Variants in INPP5A observed in about 807,000 individuals in gnomAD.
The protein encoded by INPP5A is 43 kDa inositol polyphosphate 5-phophatase.
A neutral mutation model predicts 65.2 loss-of-function variants in INPP5A; 14 were observed. That is an observed-to-expected ratio of 0.21 (90% CI 0.14 to 0.34). The LOEUF is 0.34. INPP5A is among the 10% of genes least tolerant of loss of function. The pLI is 1.00. For missense variants in INPP5A, 431 were observed against 545.6 expected (o/e 0.79, Z 2.09); for synonymous variants, 207 against 208.3 (o/e 0.99, Z 0.05).
At position 132,710,467 on chromosome 10, in the gene INPP5A, G is replaced by GC. The variant is rs770794496; in HGVS notation, c.647+12dup. 9.9e-6 allele frequency: 16 copies of GC among 1,612,034 alleles called. No homozygotes were observed. Among genetic ancestry groups the GC allele is most frequent in the Non-Finnish European group, 3.4e-6 (4 of 1,179,318 alleles). ...CTACGTGCTGGACAGGTAGGTGTGG[G>GC]CGGGCAGGTAGGCGTGGGCCGGGCA... On this transcript the variant is annotated intron_variant, in intron 8 of 15. Coordinates refer to ENST00000368594, the MANE Select transcript of INPP5A (RefSeq NM_005539.5).
At chr10:132,544,863 C>T (rs1039497277) in intron 1 of INPP5A, among the ~76,000 whole-genome samples, 21 of 152,040 alleles carry the variant, frequency 1.4e-4, no homozygotes, top group African/African-American at 5.1e-4. Flanking sequence ...CCCCCGTTTA[C>T]TTCCTGTTTT....
At chr10:132,548,579 C>T (rs754502885) in intron 1 of INPP5A, among the ~76,000 whole-genome samples, 4 of 152,106 alleles carry the variant, frequency 2.6e-5, no homozygotes, top group Admixed American at 6.5e-5. Context: ...TAACCATCAC[C>T]GCACCCCAGT....
Position 132,782,087 on chromosome 10 carries a change from C to G in INPP5A, c.*58C>G. 1 of 1,543,476 alleles carries G rather than the reference C, an allele frequency of 6.5e-7. No individual in the cohort carries two copies. ...GACACTTCGTGAGCCTCCCTGTAGC[C>G]GTGGACCGAATACGCACTCTTGAAA... is the stretch of plus-strand genomic sequence containing the variant. On this transcript the variant is annotated 3_prime_UTR_variant, in exon 16 of 16. Coordinates refer to ENST00000368594, the MANE Select transcript of INPP5A (RefSeq NM_005539.5). This position sits in a 1 kb window ranked among gnomAD's most constrained non-coding sequence, Gnocchi z 4.4.
chr10:132,684,779 G>A (rs988164650), intron 4 of INPP5A, among the ~76,000 whole-genome samples: 4 of 152,330 alleles, frequency 2.6e-5, no homozygotes, highest in Admixed American at 6.5e-5. Context: ...AGAGAGCACA[G>A]ATGTTTGCCA....
chr10:132,742,164 G>GTGC (rs1233670420), intron 9 of INPP5A, among the ~76,000 whole-genome samples: 1 of 152,256 alleles, frequency 6.6e-6, no homozygotes, highest in Non-Finnish European at 1.5e-5. Flanking sequence ...AGATGGCGAA[G>GTGC]TGCTCCTCAT....
rs532416776 is a variant in INPP5A, at chr10:132,539,010, A to G, written c.75+839A>G. Among the ~76,000 whole-genome samples, 4 of 151,932 alleles carry G rather than the reference A, an allele frequency of 2.6e-5. No homozygotes were observed. The East Asian group carries it at 5.8e-4, about 22-fold the overall frequency. ...GTTCCAGAATCAGGCCCCAAACCCA[A>G]TTCTGGACCCTGCCCCTAACTCTGG... On this transcript the variant is annotated intron_variant, in intron 1 of 15. Coordinates refer to ENST00000368594, the MANE Select transcript of INPP5A (RefSeq NM_005539.5).
Position 132,596,913 on chromosome 10 carries a change from GCA to G in INPP5A, c.76-11001_76-11000del, listed in dbSNP as rs1564928919. ...TGTTTGGAGGCTCCTGTGCATGTGTGCATGTGTGCGCGCATGTGCACGCATGT... is the reference window on the plus strand; with the variant it reads ...TGTTTGGAGGCTCCTGTGCATGTGTGTGTGTGCGCGCATGTGCACGCATGT... On this transcript the variant is annotated intron_variant, in intron 1 of 15. Transcript: ENST00000368594. Among the ~76,000 whole-genome samples the G allele has an allele frequency of 1.6e-3, 67 of 43,058 alleles. 1 individual carries two copies. In the East Asian group the frequency reaches 0.087, roughly 56 times the overall value. The allele number at this position is 43,058 out of a possible 152,430, so 28.2% of individuals were successfully genotyped here.
Position 132,616,426 on chromosome 10 carries a change from G to A in INPP5A, c.117+8470G>A, listed in dbSNP as rs1291950002. On this transcript the variant is annotated intron_variant, in intron 2 of 15. Transcript: ENST00000368594. The surrounding 1 kb of genome is among the most constrained non-coding windows in gnomAD (Gnocchi z 4.9). ...TGCGGGGACGCCGTGGGCGTGGTGT[G>A]GGATATGTGGTATTGGGAACATGGT... Among the ~76,000 whole-genome samples, 2 of 152,086 alleles carry A rather than the reference G, an allele frequency of 1.3e-5. No homozygotes were observed. Among genetic ancestry groups the A allele is most frequent in the Non-Finnish European group, 2.9e-5 (2 of 68,008 alleles).
At chr10:132,626,459 C>T (rs2072185200) in intron 2 of INPP5A, among the ~76,000 whole-genome samples, 1 of 152,204 alleles carries the variant, frequency 6.6e-6, no homozygotes, top group South Asian at 2.1e-4. Flanking sequence ...AGGTGGGAGT[C>T]CTGGTCACTC....
At chr10:132,718,683 G>A (rs1845794346) in intron 8 of INPP5A, among the ~76,000 whole-genome samples, 2 of 150,306 alleles carry the variant, frequency 1.3e-5, no homozygotes, top group South Asian at 4.2e-4. Flanking sequence ...GTGGTGCCTG[G>A]GTTCTGTCTG....
At chr10:132,580,028 C>A (rs966425369) in intron 1 of INPP5A, among the ~76,000 whole-genome samples, 2 of 151,746 alleles carry the variant, frequency 1.3e-5, no homozygotes, top group African/African-American at 4.8e-5. Context: ...CCTCCCACTG[C>A]TGGCAGGGGC....
At chr10:132,664,010 C>T (rs965311282) in intron 4 of INPP5A, among the ~76,000 whole-genome samples, 2 of 152,212 alleles carry the variant, frequency 1.3e-5, no homozygotes, top group African/African-American at 2.4e-5. Context: ...TATTGGTGAA[C>T]GAACTGAAAA....
chr10:132,570,758 C>T (rs567225913), intron 1 of INPP5A, among the ~76,000 whole-genome samples: 1 of 152,064 alleles, frequency 6.6e-6, no homozygotes. Context: ...GACACCCATA[C>T]GGTGGTGACA....
In INPP5A at chr10:132,555,421, C is replaced by T. The variant is rs973254349; in HGVS notation, c.75+17250C>T. Among the ~76,000 whole-genome samples the T allele has an allele frequency of 4.0e-5, 6 of 151,866 alleles. No homozygotes were observed. Among genetic ancestry groups the T allele is most frequent in the Non-Finnish European group, 5.9e-5 (4 of 67,966 alleles). Reference sequence around the variant, plus strand: ...TTGAACTTCTGATAAGTTGCCTGGCCGGAAGGGGAAGAAGGGGGGCTTGGG... The same window carrying T: ...TTGAACTTCTGATAAGTTGCCTGGCTGGAAGGGGAAGAAGGGGGGCTTGGG... On this transcript the variant is annotated intron_variant, in intron 1 of 15. Transcript: ENST00000368594. The surrounding 1 kb of genome is among the most constrained non-coding windows in gnomAD (Gnocchi z 4.4).
At chr10:132,573,380 G>T (rs2071374613) in intron 1 of INPP5A, among the ~76,000 whole-genome samples, 2 of 130,480 alleles carry the variant, frequency 1.5e-5, no homozygotes, top group African/African-American at 6.2e-5. Context: ...GCCGTGTGAG[G>T]TTTTGTTGAG....
chr10:132,736,703 C>A (rs1183041007), intron 9 of INPP5A, among the ~76,000 whole-genome samples: 1 of 152,234 alleles, frequency 6.6e-6, no homozygotes, highest in Non-Finnish European at 1.5e-5. Context: ...AAGCCCAGGC[C>A]CAGACCTCAG....
rs368932838 is a variant in INPP5A, at chr10:132,777,892, A to G, written c.1089+110A>G. The G allele has an allele frequency of 5.2e-5, 80 of 1,531,978 alleles. No individual in the cohort carries two copies. In the Middle Eastern group the frequency reaches 1.5e-3, roughly 29 times the overall value. 94.9% of individuals were successfully genotyped at this position (1,531,978 alleles called of 1,614,324 possible). On this transcript the variant is annotated intron_variant, in intron 13 of 15. Transcript: ENST00000368594. ...AGGGGTGGGGGCACCCAGTCTGGGG[A>G]ATGCTGCCAGGTTGGGCCCTGACCT... is the stretch of plus-strand genomic sequence containing the variant.
At chr10:132,684,495 T>C (rs1033949302) in intron 4 of INPP5A, among the ~76,000 whole-genome samples, 1 of 152,232 alleles carries the variant, frequency 6.6e-6, no homozygotes, top group Admixed American at 6.5e-5. Flanking sequence ...TGTGTGTGTG[T>C]GCAGGAGTTT....
At chr10:132,777,323 T>A (rs960515027) in intron 12 of INPP5A, among the ~76,000 whole-genome samples, 1 of 152,338 alleles carries the variant, frequency 6.6e-6, no homozygotes, top group Admixed American at 6.5e-5. Context: ...TGGGACCAGA[T>A]GACACTGGCT....
Sources: gnomAD v4.1 joint callset for allele counts (sites outside exome capture counted in the v4.1 genomes callset) on GRCh38, gnomAD v4.1.1 for gene constraint, Gnocchi (gnomAD v3.1) non-coding constraint, MANE v1.5 for transcripts, NCBI Gene and HGNC (gene_info 2026-07-23, HGNC 2026-07-21) for gene names.